The following RASA4 variants were observed in gnomAD, a reference collection of about 807,000 sequenced individuals.
The protein encoded by RASA4 is ras GTPase-activating protein 4.
In RASA4, 5 loss-of-function variants were observed where a neutral mutation model predicts 24.0. The observed-to-expected ratio is 0.21, with a 90% confidence interval of 0.11 to 0.44. The LOEUF is 0.44. Ranked by LOEUF, RASA4 falls within the 20% of genes least tolerant of loss-of-function variation. The probability of loss-of-function intolerance (pLI) is 0.99; values close to 1 mark genes in which losing one functional copy is unlikely to be tolerated. For missense variants in RASA4, 38 were observed against 293.0 expected (o/e 0.13, Z 6.35); for synonymous variants, 9 against 132.7 (o/e 0.07, Z 6.41).
At chr7:102,585,830 C>T (rs1789750164) in intron 18 of RASA4, among the ~76,000 whole-genome samples, 2 of 143,968 alleles carry the variant, frequency 1.4e-5, no homozygotes, top group South Asian at 2.2e-4. Context: ...TTTTTTGTTT[C>T]TTTTCTGTTT....
chr7:102,597,748 C>G (rs1404597327), intron 8 of RASA4, among the ~76,000 whole-genome samples: 3 of 135,076 alleles, frequency 2.2e-5, no homozygotes, highest in Non-Finnish European at 3.4e-5. Context: ...GAGTTTCGCT[C>G]TTGTCACCGA....
intron 18 of RASA4, among the ~76,000 whole-genome samples, chr7:102,585,837 GTTT>G (rs1186366280): frequency 7.2e-6 from 1 of 138,592 alleles, no homozygotes; most frequent in African/African-American, 2.6e-5. Context: ...TTTCTTTTCT[GTTT>G]TTTTTTTTGT....
At chr7:102,590,864 C>A (rs1161080787) in intron 16 of RASA4, among the ~76,000 whole-genome samples, 1 of 140,122 alleles carries the variant, frequency 7.1e-6, no homozygotes, top group Non-Finnish European at 1.5e-5. Context: ...CGCTTGAACC[C>A]GGGAGGCGGA....
intron 18 of RASA4, among the ~76,000 whole-genome samples, chr7:102,585,837 GT>G (rs1186366280): frequency 9.8e-4 from 136 of 138,128 alleles, no homozygotes; most frequent in African/African-American, 3.0e-3. Context: ...TTTCTTTTCT[GT>G]TTTTTTTTTT....
At chr7:102,585,826 GTTTCT>G (rs1387637376) in intron 18 of RASA4, among the ~76,000 whole-genome samples, 5 of 143,474 alleles carry the variant, frequency 3.5e-5, no homozygotes, top group Non-Finnish European at 6.2e-5. Context: ...AACGTTTTTT[GTTTCT>G]TTTCTGTTTT....
intron 5 of RASA4, among the ~76,000 whole-genome samples, chr7:102,603,980 T>A (rs1158074353): frequency 6.7e-6 from 1 of 149,764 alleles, no homozygotes. Flanking sequence ...CTAGCCAACA[T>A]AGTGAAGTCC....
intron 1 of RASA4, among the ~76,000 whole-genome samples, chr7:102,611,855 GA>G: frequency 1.2e-5 from 1 of 82,494 alleles, no homozygotes; most frequent in African/African-American, 3.8e-5. Flanking sequence ...GGGTGAGAGG[GA>G]GGGGTAGAGA....
rs1235390783 is a variant in RASA4, at chr7:102,580,222, C to G, written c.*2549G>C. On this transcript the variant is annotated 3_prime_UTR_variant, in exon 21 of 21. Transcript: ENST00000262940. Reference sequence around the variant, plus strand: ...TGTTGCAATTGGTTGCTGTAAGTCACCTAAATATCTTCTCTTTTTTATACT... The same window carrying G: ...TGTTGCAATTGGTTGCTGTAAGTCAGCTAAATATCTTCTCTTTTTTATACT... 13 of 145,998 alleles carry G rather than the reference C, an allele frequency of 8.9e-5. No individual in the cohort carries two copies. Among genetic ancestry groups the G allele is most frequent in the African/African-American group, 3.0e-4 (12 of 39,684 alleles). The allele number at this position is 145,998 out of a possible 1,614,324, so 9.0% of individuals were successfully genotyped here. A position where few individuals can be genotyped will look rare whatever the true frequency, so the allele number is the denominator to read the frequency against.
intron 8 of RASA4, 88 bp downstream of exon 8, chr7:102,599,772 C>G (rs1280631423): frequency 1.3e-5 from 1 of 74,478 alleles, no homozygotes; most frequent in African/African-American, 4.7e-5. Flanking sequence ...CCTGAGCAGC[C>G]CCCCTGCCCT....
At chr7:102,585,857 GT>G (rs1214496763) in intron 18 of RASA4, among the ~76,000 whole-genome samples, 23 of 131,042 alleles carry the variant, frequency 1.8e-4, no homozygotes, top group East Asian at 1.5e-3. Flanking sequence ...TTGTTTTTTT[GT>G]TTTTTTTTTT....
In RASA4 at chr7:102,588,811, C is replaced by T. The variant is rs1401519113; in HGVS notation, c.1969-1041G>A. Among the ~76,000 whole-genome samples the T allele has an allele frequency of 2.3e-4, 2 of 8,574 alleles. 1 individual carries two copies. The highest frequency in any genetic ancestry group is 0.016 in the South Asian group (2 of 128). 5.6% of individuals were successfully genotyped at this position (8,574 alleles called of 152,430 possible). A position where few individuals can be genotyped will look rare whatever the true frequency, so the allele number is the denominator to read the frequency against. ...CCCCAAGTAGCTGGGACTACAGGCG[C>T]ACACCACCACACCCAGCTACTTTTT... is the stretch of plus-strand genomic sequence containing the variant. On this transcript the variant is annotated intron_variant, in intron 17 of 20. Transcript: ENST00000262940.
intron 8 of RASA4, among the ~76,000 whole-genome samples, 192 bp downstream of exon 8, chr7:102,599,668 A>C (rs1478375813): frequency 7.5e-5 from 11 of 146,086 alleles, no homozygotes; most frequent in African/African-American, 2.7e-4. Context: ...AATAATAAAT[A>C]AAGGGGAGGT....
chr7:102,605,598 C>CAGGG (rs1471068957), intron 5 of RASA4, among the ~76,000 whole-genome samples: 1 of 148,418 alleles, frequency 6.7e-6, no homozygotes, highest in Admixed American at 6.8e-5. Context: ...TTAGTAGAGA[C>CAGGG]AGGGTCTCAC....
chr7:102,597,238 A>AT (rs1231961985), intron 8 of RASA4, among the ~76,000 whole-genome samples: 1 of 9,448 alleles, frequency 1.1e-4, no homozygotes, highest in Middle Eastern at 0.02. Flanking sequence ...CTTATTAACT[A>AT]TTTTTTTTAG....
At chr7:102,603,805 C>T (rs1345308789) in intron 5 of RASA4, among the ~76,000 whole-genome samples, 18 of 147,468 alleles carry the variant, frequency 1.2e-4, no homozygotes, top group African/African-American at 4.0e-4. Context: ...AACGCCACTG[C>T]ACTCCAGCCT....
At chr7:102,610,493 G>A (rs1456307496) in intron 2 of RASA4, among the ~76,000 whole-genome samples, 2 of 140,912 alleles carry the variant, frequency 1.4e-5, no homozygotes, top group South Asian at 2.5e-4. Flanking sequence ...GACATCCGGA[G>A]GAAGTGACTC....
At chr7:102,612,113 C>G (rs1281283295) in intron 1 of RASA4, 1 of 160,070 alleles carries the variant, frequency 6.2e-6, no homozygotes, top group Non-Finnish European at 1.3e-5. Flanking sequence ...AACACCGACA[C>G]CGCTGTCCCT....
chr7:102,599,594 G>A (rs1421532401), intron 8 of RASA4, among the ~76,000 whole-genome samples: 2 of 141,518 alleles, frequency 1.4e-5, no homozygotes, highest in Non-Finnish European at 3.2e-5. Flanking sequence ...TCGAGATCAC[G>A]CCATTGCACT....
At chr7:102,599,816 C>T (rs1221588244) in intron 8 of RASA4, 44 bp downstream of exon 8, 19 of 94,678 alleles carry the variant, frequency 2.0e-4, no homozygotes, top group Non-Finnish European at 2.9e-4. Flanking sequence ...ATGTCAGCCC[C>T]CACCCCACCC....
Sources: gnomAD v4.1 joint callset for allele counts (sites outside exome capture counted in the v4.1 genomes callset) on GRCh38, gnomAD v4.1.1 for gene constraint, MANE v1.5 for transcripts, NCBI Gene and HGNC (gene_info 2026-07-23, HGNC 2026-07-21) for gene names.